OSBP: variants seen among roughly 807,000 people sequenced by gnomAD.
OSBP encodes the protein oxysterol-binding protein 1.
In OSBP, 32 loss-of-function variants were observed where a neutral mutation model predicts 96.6. The ratio of observed to expected loss-of-function variants is 0.33; its 90% CI spans 0.25 to 0.45. The LOEUF (loss-of-function observed/expected upper bound fraction) is 0.45. OSBP is among the 20% of genes least tolerant of loss of function. OSBP has a pLI of 1.00. For missense variants in OSBP, 653 were observed against 1,029.7 expected (o/e 0.63, Z 5.01); for synonymous variants, 369 against 389.6 (o/e 0.95, Z 0.62).
chr11:59,615,211 G>T, intron 1 of OSBP, 92 bp downstream of exon 1: 2 of 1,104,268 alleles, frequency 1.8e-6, no homozygotes, highest in Non-Finnish European at 1.3e-6. Flanking sequence ...GGCAACCCTG[G>T]CTGCGGTGCC....
At chr11:59,580,528 C>CA (rs1313858247) in intron 10 of OSBP, among the ~76,000 whole-genome samples, 6 of 152,192 alleles carry the variant, frequency 3.9e-5, no homozygotes, top group Non-Finnish European at 8.8e-5. Context: ...AGCACATATA[C>CA]TGAAGTACAC....
intron 9 of OSBP, among the ~76,000 whole-genome samples, chr11:59,589,615 A>C (rs1393604426): frequency 6.6e-6 from 1 of 152,034 alleles, no homozygotes; most frequent in Non-Finnish European, 1.5e-5. Context: ...AAAATAAATA[A>C]ATAAATAAAA....
chr11:59,601,551 G>GA (rs1193488986), intron 4 of OSBP, 89 bp downstream of exon 4: 5 of 1,250,166 alleles, frequency 4.0e-6, no homozygotes, highest in Non-Finnish European at 5.8e-6. Flanking sequence ...ATGACTCATT[G>GA]ACTGTGAAGA....
In OSBP at chr11:59,578,209, C is replaced by A; in HGVS notation, c.2000G>T (p.Arg667Leu). 6.2e-7 allele frequency: 1 copy of A among 1,614,152 alleles called. No homozygotes were observed. The highest frequency in any genetic ancestry group is 8.5e-7 in the Non-Finnish European group (1 of 1,180,024). The change falls in exon 12 of 14, where the codon CGA (arginine) becomes CTA (leucine). Residue 667 changes from arginine (R) to leucine (L), a missense_variant. This residue lies in a region of OSBP where 169 missense variants were observed against 251.5 expected (regional missense o/e 0.67). Transcript: ENST00000263847. ...PVIGENGGDA[R>L]QRGHEAEESR... ...TTCCTCTGCTTCATGGCCTCTCTGTCGAGCATCACCCCCATTTTCCCCAAT... is the reference window on the plus strand; with the variant it reads ...TTCCTCTGCTTCATGGCCTCTCTGTAGAGCATCACCCCCATTTTCCCCAAT...
intron 9 of OSBP, among the ~76,000 whole-genome samples, chr11:59,585,801 CTT>C (rs1417370850): frequency 6.6e-6 from 1 of 152,228 alleles, no homozygotes; most frequent in Non-Finnish European, 1.5e-5. Flanking sequence ...ACATGGGAGA[CTT>C]TTCATTTTGT....
At chr11:59,580,898 C>A (rs1005765829) in intron 10 of OSBP, among the ~76,000 whole-genome samples, 1 of 152,204 alleles carries the variant, frequency 6.6e-6, no homozygotes, top group Non-Finnish European at 1.5e-5. Flanking sequence ...ACTGTGAGGC[C>A]TTTCCTGACT....
chr11:59,608,836 G>A (rs974977462), intron 2 of OSBP, 102 bp from the exon 3 acceptor site: 18 of 1,181,142 alleles, frequency 1.5e-5, no homozygotes, highest in Non-Finnish European at 2.0e-5. Flanking sequence ...CTCATGCTGT[G>A]TGCATTCTGA....
In OSBP at chr11:59,608,469, A is replaced by G. The variant is rs1450587053; in HGVS notation, c.822+15T>C. On this transcript the variant is annotated intron_variant, in intron 3 of 13. Coordinates refer to ENST00000263847, the MANE Select transcript of OSBP (RefSeq NM_002556.3). Reference sequence around the variant, plus strand: ...GAATGAATCAAAAAGCAACACAGACACCATCTGCACTCACGTTGATCATGG... The same window carrying G: ...GAATGAATCAAAAAGCAACACAGACGCCATCTGCACTCACGTTGATCATGG... The G allele has an allele frequency of 1.2e-6, 2 of 1,614,022 alleles. No homozygotes were observed. The highest frequency in any genetic ancestry group is 2.2e-5 in the East Asian group (1 of 44,882).
At chr11:59,600,953 G>T in intron 5 of OSBP, 80 bp from the exon 6 acceptor site, 2 of 1,199,966 alleles carry the variant, frequency 1.7e-6, no homozygotes, top group African/African-American at 1.5e-5. Context: ...TTACAAAGCA[G>T]AATGCCAAGT....
intron 11 of OSBP, 68 bp downstream of exon 11, chr11:59,580,106 T>C (rs1860403532): frequency 9.8e-7 from 1 of 1,017,954 alleles, no homozygotes; most frequent in Admixed American, 1.7e-5. Flanking sequence ...TACATTCCAG[T>C]CCTAAAGGAG....
At position 59,610,568 on chromosome 11, in the gene OSBP, A is replaced by G. The variant is rs1369824368; in HGVS notation, c.384T>C (p.His128=). 7.4e-6 allele frequency: 12 copies of G among 1,613,916 alleles called. No individual in the cohort carries two copies. The Middle Eastern group carries it at 4.9e-4, about 66-fold the overall frequency. The change falls in exon 2 of 14, where the codon CAT becomes CAC. Residue 128 remains histidine, a synonymous_variant. Coordinates refer to ENST00000263847, the MANE Select transcript of OSBP (RefSeq NM_002556.3). ...CGAGGTTGATGGTACCACGGCAGGT[A>G]TGTCTCATTTCTGCCTTTGATCTGT... ...SYYRSKAEMR[H]TCRGTINLAT... is the part of the protein sequence containing the mutation.
chr11:59,606,326 G>A (rs1204215917), intron 3 of OSBP, among the ~76,000 whole-genome samples: 1 of 151,078 alleles, frequency 6.6e-6, no homozygotes, highest in Non-Finnish European at 1.5e-5. Flanking sequence ...TCTATCCTAA[G>A]CAGTCAAGAA....
chr11:59,589,341 C>T (rs1322607413), intron 9 of OSBP, among the ~76,000 whole-genome samples: 1 of 150,870 alleles, frequency 6.6e-6, no homozygotes, highest in Non-Finnish European at 1.5e-5. Flanking sequence ...TGCCTCACGC[C>T]AGTAATCCCA....
chr11:59,613,687 C>A (rs73486922), intron 1 of OSBP, among the ~76,000 whole-genome samples: 3,059 of 152,112 alleles, frequency 0.02, 97 homozygotes, highest in African/African-American at 0.07. Context: ...AATGGATGGT[C>A]CTGGATAAGT....
chr11:59,600,745 CAAA>C (rs367608218), intron 6 of OSBP, 71 bp downstream of exon 6: 526 of 1,293,854 alleles, frequency 4.1e-4, no homozygotes, highest in South Asian at 4.9e-4. Flanking sequence ...TAGCACTTCA[CAAA>C]AAAAAAAAAA....
intron 3 of OSBP, among the ~76,000 whole-genome samples, chr11:59,607,918 C>T (rs1411616629): frequency 3.3e-5 from 5 of 152,098 alleles, no homozygotes; most frequent in African/African-American, 1.2e-4. Flanking sequence ...TCGAAATTAT[C>T]CTCGAATTCA....
intron 7 of OSBP, 33 bp downstream of exon 7, chr11:59,600,463 C>G (rs749812446): frequency 6.2e-7 from 1 of 1,609,500 alleles, no homozygotes; most frequent in African/African-American, 1.3e-5. Context: ...GAGAGGAACT[C>G]CTGGCAGCAG....
chr11:59,611,902 G>A (rs981612279), intron 1 of OSBP, among the ~76,000 whole-genome samples: 2 of 152,148 alleles, frequency 1.3e-5, no homozygotes, highest in African/African-American at 2.4e-5. Context: ...TAGCACAATC[G>A]AGTGTCTAAC....
intron 9 of OSBP, among the ~76,000 whole-genome samples, chr11:59,592,899 A>T (rs1439278973): frequency 6.6e-6 from 1 of 151,522 alleles, no homozygotes; most frequent in Non-Finnish European, 1.5e-5. Flanking sequence ...GGGTTCAAGC[A>T]ATTCTTGTGC....
Sources: allele counts gnomAD v4.1 joint callset (sites outside exome capture counted in the v4.1 genomes callset), GRCh38; gene constraint gnomAD v4.1.1; regional missense constraint gnomAD v4.1.1; transcripts MANE v1.5; gene names NCBI Gene and HGNC (gene_info 2026-07-23, HGNC 2026-07-21).